GRM7: variants seen among roughly 807,000 people sequenced by gnomAD.
The protein encoded by GRM7 is glutamate metabotropic receptor 7.
Under a neutral mutation model 84.5 loss-of-function variants are expected in GRM7, and 35 were observed. That is an observed-to-expected ratio of 0.41 (90% CI 0.32 to 0.55). GRM7 has a LOEUF of 0.55. Ranked by LOEUF, GRM7 falls within the 20% of genes least tolerant of loss-of-function variation. GRM7 has a pLI of 0.19. For synonymous variants in GRM7, 487 were observed against 455.1 expected, an observed-to-expected ratio of 1.07 and a Z score of -0.89; for missense variants, 1,003 against 1,194.6, an observed-to-expected ratio of 0.84 and a Z score of 2.36.
chr3:7,336,191 T>C (rs73132249), intron 4 of GRM7, among the ~76,000 whole-genome samples: 5,944 of 151,964 alleles, frequency 0.039, 244 homozygotes, highest in African/African-American at 0.11. Flanking sequence ...AAAGATAATA[T>C]GCCACGATCA....
intron 8 of GRM7, among the ~76,000 whole-genome samples, chr3:7,649,291 G>A (rs530852160): frequency 7.0e-4 from 106 of 152,060 alleles, no homozygotes; most frequent in Non-Finnish European, 1.2e-3. Flanking sequence ...GGATAGTCCC[G>A]ATCTCCTGAC....
intron 8 of GRM7, among the ~76,000 whole-genome samples, chr3:7,593,032 C>A (rs1034124451): frequency 6.6e-6 from 1 of 152,166 alleles, no homozygotes; most frequent in Non-Finnish European, 1.5e-5. Flanking sequence ...AATAATGTAA[C>A]AATATTCCAT....
chr3:7,260,394 C>A (rs1267493062), intron 2 of GRM7, among the ~76,000 whole-genome samples: 1 of 151,972 alleles, frequency 6.6e-6, no homozygotes, highest in Non-Finnish European at 1.5e-5. Flanking sequence ...GCCTAGGTTG[C>A]CTTCCAGGGA....
chr3:7,425,971 G>C (rs1696590406), intron 5 of GRM7, among the ~76,000 whole-genome samples: 1 of 152,068 alleles, frequency 6.6e-6, no homozygotes, highest in South Asian at 2.1e-4. Context: ...CCTTGGATGA[G>C]TTTTGAGATT....
intron 1 of GRM7, among the ~76,000 whole-genome samples, chr3:6,927,509 G>A (rs1697353339): frequency 7.0e-6 from 1 of 142,860 alleles, no homozygotes; most frequent in Admixed American, 7.1e-5. Context: ...AAGAAAGAAA[G>A]AAAGAAAGAA....
chr3:7,125,021 C>A (rs1693350561), intron 1 of GRM7, among the ~76,000 whole-genome samples: 1 of 152,122 alleles, frequency 6.6e-6, no homozygotes, highest in African/African-American at 2.4e-5. Context: ...CTCACTGCAA[C>A]CTCCGCCACC....
intron 4 of GRM7, among the ~76,000 whole-genome samples, chr3:7,408,600 A>G (rs1695782655): frequency 6.6e-6 from 1 of 152,188 alleles, no homozygotes; most frequent in South Asian, 2.1e-4. Context: ...ATTGATAGGA[A>G]CTGGAATGGG....
chr3:7,296,734 A>T (rs1409246647), intron 2 of GRM7, among the ~76,000 whole-genome samples: 1 of 151,856 alleles, frequency 6.6e-6, no homozygotes, highest in Admixed American at 6.6e-5. Flanking sequence ...TCATTCCTAA[A>T]TAGGGTCATT....
In GRM7 at chr3:6,898,152, G is replaced by A. The variant is rs1048990613; in HGVS notation, c.519+36245G>A. Among the ~76,000 whole-genome samples, 4 of 152,136 alleles carry A rather than the reference G, an allele frequency of 2.6e-5. No individual in the cohort carries two copies. The East Asian group carries it at 5.8e-4, about 22-fold the overall frequency. On this transcript the variant is annotated intron_variant, in intron 1 of 9. Coordinates refer to ENST00000357716, the MANE Select transcript of GRM7 (RefSeq NM_000844.4). ...CTGGATGGAGAAAGAATTCGAAAGGGCTGATAGGATATATATTGTCAGCTG... is the reference window on the plus strand; with the variant it reads ...CTGGATGGAGAAAGAATTCGAAAGGACTGATAGGATATATATTGTCAGCTG...
intron 1 of GRM7, among the ~76,000 whole-genome samples, chr3:6,957,798 AAG>A (rs1462286897): frequency 1.3e-5 from 2 of 152,174 alleles, no homozygotes; most frequent in East Asian, 3.8e-4. Context: ...CACAGTGAAA[AAG>A]AGGGATATAT....
At chr3:6,890,704 T>C (rs1355763541) in intron 1 of GRM7, among the ~76,000 whole-genome samples, 1 of 152,146 alleles carries the variant, frequency 6.6e-6, no homozygotes, top group Non-Finnish European at 1.5e-5. Flanking sequence ...AAAATGTATA[T>C]TCTGTTGATT....
chr3:7,044,812 T>C (rs1425117788), intron 1 of GRM7, among the ~76,000 whole-genome samples: 2 of 152,196 alleles, frequency 1.3e-5, no homozygotes, highest in Non-Finnish European at 2.9e-5. Context: ...GAACTTCACC[T>C]GGTAAAGTTT....
intron 2 of GRM7, among the ~76,000 whole-genome samples, chr3:7,264,754 A>C (rs1380717610): frequency 1.3e-5 from 2 of 151,736 alleles, no homozygotes; most frequent in African/African-American, 4.9e-5. Flanking sequence ...CCTAGCTTCC[A>C]GGGTGTCCTG....
In GRM7 at chr3:6,861,777, A is replaced by C. The variant is rs749818020; in HGVS notation, c.389A>C (p.Asp130Ala). 1.2e-6 allele frequency: 2 copies of C among 1,614,176 alleles called. No homozygotes were observed. The highest frequency in any genetic ancestry group is 1.3e-5 in the African/African-American group (1 of 75,068). Residue 130 changes from aspartate (D) to alanine (A), a missense_variant, in exon 1 of 10, where the codon GAC becomes GCC. Asp to Ala is a moderately radical substitution (Grantham distance 126). Coordinates refer to ENST00000357716, the MANE Select transcript of GRM7 (RefSeq NM_000844.4). The surrounding 1 kb of genome is among the most constrained non-coding windows in gnomAD (Gnocchi z 6.4). ...TTCGTCCAGGCGCTCATCCAGAAGGACACCTCCGACGTGCGCTGCACCAAC... is the reference window on the plus strand; with the variant it reads ...TTCGTCCAGGCGCTCATCCAGAAGGCCACCTCCGACGTGCGCTGCACCAAC... ...LTFVQALIQK[D>A]TSDVRCTNGE...
At position 6,922,456 on chromosome 3, in the gene GRM7, C is replaced by T. The variant is rs184818276; in HGVS notation, c.519+60549C>T. Among the ~76,000 whole-genome samples, 144 of 152,292 alleles carry T rather than the reference C, an allele frequency of 9.5e-4. 1 individual carries two copies. Among genetic ancestry groups the T allele is most frequent in the African/African-American group, 3.2e-3 (135 of 41,548 alleles). On this transcript the variant is annotated intron_variant, in intron 1 of 9. Transcript: ENST00000357716. ...ATAGAAAGTTGGCTGTTATATTTCC[C>T]TAAGTCCTATGCATGTTTCTAGAGA...
At chr3:7,647,623 A>T (rs895213640) in intron 8 of GRM7, among the ~76,000 whole-genome samples, 6 of 152,192 alleles carry the variant, frequency 3.9e-5, no homozygotes, top group African/African-American at 1.4e-4. Flanking sequence ...ACTCTGAATT[A>T]TAGAGGGGAC....
intron 2 of GRM7, among the ~76,000 whole-genome samples, chr3:7,230,550 T>C (rs1697160361): frequency 6.6e-6 from 1 of 152,224 alleles, no homozygotes; most frequent in African/African-American, 2.4e-5. Flanking sequence ...ACTTTAATTC[T>C]TCTCTTGCAA....
chr3:7,351,993 C>T (rs1253837444), intron 4 of GRM7, among the ~76,000 whole-genome samples: 4 of 151,358 alleles, frequency 2.6e-5, no homozygotes, highest in African/African-American at 4.9e-5. Context: ...AGCCAATTCC[C>T]CCTGATAAAT....
intron 1 of GRM7, among the ~76,000 whole-genome samples, chr3:7,031,538 TC>T (rs1696183229): frequency 6.6e-6 from 1 of 151,908 alleles, no homozygotes; most frequent in Non-Finnish European, 1.5e-5. Flanking sequence ...TGCCCCAGCC[TC>T]CCGAGTAGCT....
Sources: gnomAD v4.1 joint callset for allele counts (sites outside exome capture counted in the v4.1 genomes callset) on GRCh38, gnomAD v4.1.1 for gene constraint, Gnocchi (gnomAD v3.1) non-coding constraint, MANE v1.5 for transcripts, NCBI Gene and HGNC (gene_info 2026-07-23, HGNC 2026-07-21) for gene names.